The following LAMA4 variants were observed in gnomAD, a reference collection of about 807,000 sequenced individuals.
The protein encoded by LAMA4 is laminin subunit alpha 4, also known as laminin subunit alpha-4.
In LAMA4, 127 loss-of-function variants were observed where a neutral mutation model predicts 207.1. The observed-to-expected ratio is 0.61, with a 90% CI of 0.53 to 0.71. The LOEUF (loss-of-function observed/expected upper bound fraction) is 0.71, where lower values mean the gene tolerates loss of function less well. Among genes scored for constraint, LAMA4 ranks in the 30% least tolerant of loss-of-function variants. The probability of loss-of-function intolerance (pLI) is 0.00; values close to 1 mark genes in which losing one functional copy is unlikely to be tolerated. For missense variants in LAMA4, 2,093 were observed against 2,246.5 expected (o/e 0.93, Z 1.38); for synonymous variants, 761 against 816.0 (o/e 0.93, Z 1.15).
At chr6:112,235,587 C>G (rs549336222) in intron 2 of LAMA4, among the ~76,000 whole-genome samples, 1 of 152,230 alleles carries the variant, frequency 6.6e-6, no homozygotes, top group East Asian at 1.9e-4. Context: ...TCACTGTGTA[C>G]AGGAGGAATA....
At chr6:112,245,209 T>C (rs1421804684) in intron 2 of LAMA4, among the ~76,000 whole-genome samples, 4 of 152,148 alleles carry the variant, frequency 2.6e-5, no homozygotes, top group Non-Finnish European at 4.4e-5. Flanking sequence ...AGCCATGAAG[T>C]TTGAAAGGCA....
intron 2 of LAMA4, among the ~76,000 whole-genome samples, chr6:112,244,163 C>G (rs1263689628): frequency 1.3e-5 from 2 of 152,226 alleles, no homozygotes; most frequent in African/African-American, 4.8e-5. Flanking sequence ...CACAAGGTAA[C>G]AGGTCACAAA....
chr6:112,191,985 C>T (rs1222537324), intron 5 of LAMA4, 135 bp from the exon 6 acceptor site: 2 of 785,922 alleles, frequency 2.5e-6, no homozygotes, highest in African/African-American at 3.4e-5. Context: ...ACTCTCTCAT[C>T]TTCTTCATAG....
chr6:112,127,890 T>G lies in LAMA4; in HGVS notation c.4287+1032A>C, dbSNP rs987511168. 2.0e-5 allele frequency among the ~76,000 whole-genome samples: 3 copies of G among 152,142 alleles called. No individual in the cohort carries two copies. The South Asian group carries it at 6.2e-4, about 32-fold the overall frequency. On this transcript the variant is annotated intron_variant, in intron 31 of 38. Transcript: ENST00000230538. ...AAGGGATTAAGGGTCCCACTTGTAATGAAGGCAAATAATGTACACAGTTGA... is the reference window on the plus strand; with the variant it reads ...AAGGGATTAAGGGTCCCACTTGTAAGGAAGGCAAATAATGTACACAGTTGA...
chr6:112,151,907 T>C (rs1780426730), intron 16 of LAMA4, among the ~76,000 whole-genome samples: 1 of 152,162 alleles, frequency 6.6e-6, no homozygotes. Flanking sequence ...TGTAGTGAGA[T>C]GATCATATGA....
At chr6:112,116,071 A>G (rs77815517) in intron 35 of LAMA4, 78 bp from the exon 36 acceptor site, 1 of 1,402,050 alleles carries the variant, frequency 7.1e-7, no homozygotes, top group Non-Finnish European at 9.9e-7. Context: ...GTAATTATAT[A>G]TATTTTTATC....
chr6:112,152,910 CA>C (rs200387524), intron 16 of LAMA4, among the ~76,000 whole-genome samples: 5 of 148,518 alleles, frequency 3.4e-5, no homozygotes, highest in Admixed American at 6.7e-5. Flanking sequence ...ACTGCAAAAA[CA>C]AAAAAAAATA....
At chr6:112,215,491 T>C (rs1784573383) in intron 3 of LAMA4, among the ~76,000 whole-genome samples, 1 of 151,630 alleles carries the variant, frequency 6.6e-6, no homozygotes, top group South Asian at 2.1e-4. Flanking sequence ...AGTATTCTTA[T>C]AGTTTATGCA....
At chr6:112,159,350 A>T (rs1320951990) in intron 13 of LAMA4, 2 of 172,106 alleles carry the variant, frequency 1.2e-5, no homozygotes, top group African/African-American at 4.8e-5. Context: ...TAAGTTACTA[A>T]ATCTAATGGA....
chr6:112,131,119 G>A lies in LAMA4; in HGVS notation c.3835-18C>T, dbSNP rs1779009030. On this transcript the variant is annotated intron_variant, in intron 28 of 38. Transcript: ENST00000230538. ...ACGTCTGACTGAAATGCAAGCACAG[G>A]CATGTAAGTAGGGAGTCTAGGGATC... The A allele has an allele frequency of 6.2e-7, 1 of 1,612,008 alleles. No individual in the cohort carries two copies. The highest frequency in any genetic ancestry group is 1.1e-5 in the South Asian group (1 of 91,034).
At chr6:112,113,944 T>C (rs1777854734) in intron 38 of LAMA4, 132 bp downstream of exon 38, 1 of 1,047,234 alleles carries the variant, frequency 9.5e-7, no homozygotes, top group Admixed American at 1.8e-5. Context: ...CTTTTCCATT[T>C]AAACAACACT....
At chr6:112,222,897 T>C (rs1554361013) in intron 2 of LAMA4, among the ~76,000 whole-genome samples, 1 of 152,228 alleles carries the variant, frequency 6.6e-6, no homozygotes, top group Non-Finnish European at 1.5e-5. Flanking sequence ...GGTTTGAGGA[T>C]GATTGTATTT....
rs146790425 is a variant in LAMA4 at position 112,247,320 on chromosome 6, G to A, written c.195+6636C>T. Reference sequence around the variant, plus strand: ...AAAGTTGTGGAGCTGGATTCACAGCGCATCTGTCTGGTTGTAAGCCCATAT... The same window carrying A: ...AAAGTTGTGGAGCTGGATTCACAGCACATCTGTCTGGTTGTAAGCCCATAT... On this transcript the variant is annotated intron_variant, in intron 2 of 38. Coordinates refer to ENST00000230538, the MANE Select transcript of LAMA4 (RefSeq NM_001105206.3). Among the ~76,000 whole-genome samples, 361 of 152,282 alleles carry A rather than the reference G, an allele frequency of 2.4e-3. 3 individuals are homozygous for A. Among genetic ancestry groups the A allele is most frequent in the African/African-American group, 7.2e-3 (300 of 41,554 alleles).
chr6:112,250,218 G>A (rs1328832865), intron 2 of LAMA4, among the ~76,000 whole-genome samples: 1 of 152,124 alleles, frequency 6.6e-6, no homozygotes, highest in Non-Finnish European at 1.5e-5. Context: ...GATCTCAAGG[G>A]ACCTTTTTCA....
chr6:112,247,484 T>G (rs1243311093), intron 2 of LAMA4, among the ~76,000 whole-genome samples: 1 of 152,222 alleles, frequency 6.6e-6, no homozygotes, highest in African/African-American at 2.4e-5. Context: ...ATTTCACTTA[T>G]GAATCCAAAT....
chr6:112,190,936 TTTCTTTC>T (rs1783043805), intron 6 of LAMA4, among the ~76,000 whole-genome samples: 1 of 68,802 alleles, frequency 1.5e-5, no homozygotes, highest in Non-Finnish European at 2.9e-5. Context: ...TCTTTCTTTC[TTTCTTTC>T]TTTCCTTTCT....
chr6:112,124,450 C>A (rs1451103366), intron 31 of LAMA4, among the ~76,000 whole-genome samples: 2 of 152,302 alleles, frequency 1.3e-5, no homozygotes, highest in Non-Finnish European at 1.5e-5. Flanking sequence ...GCTAATTCTT[C>A]TGCAGATACA....
chr6:112,207,949 T>C (rs1001183220), intron 3 of LAMA4, among the ~76,000 whole-genome samples: 19 of 152,236 alleles, frequency 1.2e-4, no homozygotes, highest in African/African-American at 4.6e-4. Context: ...ACTCTGTGTC[T>C]TTCAGCACTG....
At position 112,109,428 on chromosome 6, in the gene LAMA4, T is replaced by G. The variant is rs1554320858; in HGVS notation, c.*9A>C. On this transcript the variant is annotated 3_prime_UTR_variant, in exon 39 of 39. Coordinates refer to ENST00000230538, the MANE Select transcript of LAMA4 (RefSeq NM_001105206.3). ...GAACTTTGTATTTGGGCAGCTGTGC[T>G]CTGTCATGTCAGGCTGCTGGACAGG... The G allele has an allele frequency of 3.1e-6, 5 of 1,613,630 alleles. No individual in the cohort carries two copies.
Sources: gnomAD v4.1 joint callset for allele counts (sites outside exome capture counted in the v4.1 genomes callset) on GRCh38, gnomAD v4.1.1 for gene constraint, MANE v1.5 for transcripts, NCBI Gene and HGNC (gene_info 2026-07-23, HGNC 2026-07-21) for gene names.